Variants in DPP6 observed in about 807,000 individuals in gnomAD.
DPP6 encodes the protein dipeptidyl peptidase like 6.
DPP6 carries 69 observed loss-of-function variants against 122.6 expected under a neutral mutation model. The ratio of observed to expected loss-of-function variants is 0.56; its 90% confidence interval spans 0.46 to 0.69. The LOEUF (loss-of-function observed/expected upper bound fraction) is 0.69. DPP6 is among the 30% of genes least tolerant of loss of function. The pLI, the probability that DPP6 is intolerant of heterozygous loss-of-function variation, is 0.00. For synonymous variants in DPP6, 418 were observed against 433.1 expected (o/e 0.97, Z 0.43); for missense variants, 928 against 1,116.9 (o/e 0.83, Z 2.41).
At chr7:154,499,364 G>A (rs1360757843) in intron 3 of DPP6, among the ~76,000 whole-genome samples, 1 of 152,178 alleles carries the variant, frequency 6.6e-6, no homozygotes, top group Non-Finnish European at 1.5e-5. Context: ...GAGCACTGCA[G>A]CAGCCCATTC....
intron 1 of DPP6, among the ~76,000 whole-genome samples, chr7:154,299,987 A>T (rs895891460): frequency 6.6e-6 from 1 of 152,238 alleles, no homozygotes; most frequent in African/African-American, 2.4e-5. Flanking sequence ...AGAATGGCTA[A>T]GGCTAGATTG....
intron 8 of DPP6, among the ~76,000 whole-genome samples, chr7:154,741,199 G>A (rs1411485338): frequency 6.6e-6 from 1 of 152,180 alleles, no homozygotes; most frequent in Non-Finnish European, 1.5e-5. Flanking sequence ...TCTTCTGTCT[G>A]GGTTATCTGA....
chr7:154,252,000 T>C lies in DPP6; in HGVS notation c.244-194214T>C, dbSNP rs530917380. Among the ~76,000 whole-genome samples the C allele has an allele frequency of 2.6e-5, 4 of 152,316 alleles. No homozygotes were observed. The South Asian group carries it at 8.3e-4, about 32-fold the overall frequency. ...TCATTTACAGATGGAAATAGTGTGG[T>C]TCAAATAAGAACAAGAGCACCTTGT... is the stretch of plus-strand genomic sequence containing the variant. On this transcript the variant is annotated intron_variant, in intron 1 of 25. Transcript: ENST00000377770.
chr7:154,387,951 TTC>T (rs1034912112), intron 1 of DPP6, among the ~76,000 whole-genome samples: 1 of 152,190 alleles, frequency 6.6e-6, no homozygotes, highest in Non-Finnish European at 1.5e-5. Context: ...ACTTTTTTTT[TTC>T]AACTGTTGTA....
chr7:154,840,562 G>C (rs1056221440), intron 16 of DPP6, among the ~76,000 whole-genome samples: 1 of 152,128 alleles, frequency 6.6e-6, no homozygotes, highest in African/African-American at 2.4e-5. Flanking sequence ...GCGTTGTCTC[G>C]GGAAGCTGAG....
chr7:154,001,038 G>A (rs1424611127), intron 1 of DPP6, among the ~76,000 whole-genome samples: 7 of 152,132 alleles, frequency 4.6e-5, no homozygotes, highest in Admixed American at 2.6e-4. Context: ...TTTCTTCCCA[G>A]GATGCCTGAG....
chr7:154,471,863 GA>G (rs1338573827), intron 2 of DPP6, among the ~76,000 whole-genome samples: 1 of 152,024 alleles, frequency 6.6e-6, no homozygotes, highest in African/African-American at 2.4e-5. Context: ...AGATGATCTT[GA>G]AAAAAGTTAT....
intron 1 of DPP6, among the ~76,000 whole-genome samples, chr7:154,382,119 G>C (rs1402700749): frequency 6.7e-6 from 1 of 148,996 alleles, no homozygotes; most frequent in Non-Finnish European, 1.5e-5. Flanking sequence ...GCAGCATGGG[G>C]CTCAAATTTG....
At chr7:154,279,935 AC>A (rs1804394961) in intron 1 of DPP6, among the ~76,000 whole-genome samples, 2 of 152,204 alleles carry the variant, frequency 1.3e-5, no homozygotes, top group Admixed American at 1.3e-4. Context: ...GAAGGATATT[AC>A]ACCATAGTTT....
intron 1 of DPP6, among the ~76,000 whole-genome samples, chr7:153,904,802 GCTT>G (rs1404113448): frequency 2.6e-5 from 4 of 152,246 alleles, no homozygotes; most frequent in African/African-American, 9.6e-5. Context: ...CCAAGGGAAA[GCTT>G]CTCCTTTGCC....
At chr7:154,449,420 C>T (rs1038500754) in intron 2 of DPP6, among the ~76,000 whole-genome samples, 13 of 151,888 alleles carry the variant, frequency 8.6e-5, no homozygotes, top group Non-Finnish European at 1.8e-4. Context: ...CAAACACAAA[C>T]AAAAAATGGA....
intron 1 of DPP6, chr7:154,094,545 G>A (rs2150557611): frequency 6.6e-6 from 1 of 152,356 alleles, no homozygotes; most frequent in South Asian, 2.1e-4. Flanking sequence ...ATGGCTGGGA[G>A]GCATGTTCAG....
the DPP6 span, among the ~76,000 whole-genome samples, chr7:153,825,819 C>T: frequency 6.6e-6 from 1 of 152,126 alleles, no homozygotes; most frequent in Admixed American, 6.5e-5. Flanking sequence ...CCTCAACCTC[C>T]CAAAGTGCTG....
At chr7:154,819,173 G>T (rs944239110) in intron 16 of DPP6, among the ~76,000 whole-genome samples, 7 of 152,188 alleles carry the variant, frequency 4.6e-5, no homozygotes, top group African/African-American at 1.7e-4. Flanking sequence ...CCAGCATTTT[G>T]GAAGGCCGAG....
At position 154,064,493 on chromosome 7, in the gene DPP6, A is replaced by G. The variant is rs532308830; in HGVS notation, c.243+11430A>G. ...TCCACAATGACCTACAGAGAAAAAAAAGGCTCAAATTGTATAGCAAACCAC... is the reference window on the plus strand; with the variant it reads ...TCCACAATGACCTACAGAGAAAAAAGAGGCTCAAATTGTATAGCAAACCAC... On this transcript the variant is annotated intron_variant, in intron 1 of 25. Transcript: ENST00000377770. Among the ~76,000 whole-genome samples the G allele has an allele frequency of 6.9e-3, 1,051 of 152,336 alleles. 10 individuals are homozygous for G. Among genetic ancestry groups the G allele is most frequent in the Non-Finnish European group, 0.011 (717 of 68,030 alleles).
intron 1 of DPP6, among the ~76,000 whole-genome samples, chr7:154,135,559 T>G (rs1276303254): frequency 6.6e-6 from 1 of 151,778 alleles, no homozygotes; most frequent in Non-Finnish European, 1.5e-5. Context: ...TCTGTGCACT[T>G]CCTCTAAACA....
intron 5 of DPP6, among the ~76,000 whole-genome samples, chr7:154,614,230 C>A (rs1196259730): frequency 6.6e-6 from 1 of 152,164 alleles, no homozygotes; most frequent in Admixed American, 6.5e-5. Flanking sequence ...GGTTAGCTTG[C>A]GTTAGCTTCT....
chr7:154,405,312 TA>T (rs1815988542), intron 1 of DPP6, among the ~76,000 whole-genome samples: 1 of 152,216 alleles, frequency 6.6e-6, no homozygotes, highest in Non-Finnish European at 1.5e-5. Flanking sequence ...TGTTTTTGGA[TA>T]AAAGTTTCCC....
intron 3 of DPP6, among the ~76,000 whole-genome samples, chr7:154,489,883 G>T (rs1231989978): frequency 6.7e-6 from 1 of 149,960 alleles, no homozygotes; most frequent in Non-Finnish European, 1.5e-5. Flanking sequence ...TTCCCCAAAC[G>T]AAAGATACGT....
Sources: allele counts gnomAD v4.1 joint callset (sites outside exome capture counted in the v4.1 genomes callset), GRCh38; gene constraint gnomAD v4.1.1; transcripts MANE v1.5; gene names NCBI Gene and HGNC (gene_info 2026-07-23, HGNC 2026-07-21).